Variants in BCCIP observed in about 807,000 individuals in gnomAD.
BCCIP encodes the protein BRCA2 and CDKN1A-interacting protein.
BCCIP carries 23 observed loss-of-function variants against 32.8 expected under a neutral mutation model. The observed-to-expected ratio is 0.70, with a 90% CI of 0.51 to 0.99. The LOEUF is 0.99. Ranked by LOEUF, BCCIP falls within the 50% of genes least tolerant of loss-of-function variation. The pLI is 0.00. For missense variants in BCCIP, 378 were observed against 379.8 expected, an observed-to-expected ratio of 1.00 and a Z score of 0.04; for synonymous variants, 144 against 137.6, an observed-to-expected ratio of 1.05 and a Z score of -0.33.
At chr10:125,853,133 C>T (rs375172899) in exon 8 of BCCIP, 101 of 1,607,064 alleles carry the variant, frequency 6.3e-5, no homozygotes, top group South Asian at 2.2e-4. Context: ...AGGTGGTTCA[C>T]GGGGGCAAGT....
In BCCIP at chr10:125,841,813, C is replaced by T. The variant is rs374870912; in HGVS notation, c.*454C>T. On this transcript the variant is annotated 3_prime_UTR_variant, in exon 7 of 7. Coordinates refer to the BCCIP transcript ENST00000299130. ...ATTCACAGGACGCTAAGATAGACTT[C>T]GAGAGTTGTGGATCAAGAGGAAACT... 9.3e-5 allele frequency: 150 copies of T among 1,613,532 alleles called. No homozygotes were observed. Among genetic ancestry groups the T allele is most frequent in the Non-Finnish European group, 1.2e-4 (143 of 1,179,970 alleles).
Position 125,824,850 on chromosome 10 carries a change from C to T in BCCIP, c.165+1128C>T, listed in dbSNP as rs576149378. Among the ~76,000 whole-genome samples, 30 of 152,280 alleles carry T rather than the reference C, an allele frequency of 2.0e-4. No homozygotes were observed. The South Asian group carries it at 6.2e-3, about 32-fold the overall frequency. ...TCACAATTGAGGGACGGAAAGGCAG[C>T]CTAGATGGCTGGATCAGAATAAGGA... is the stretch of plus-strand genomic sequence containing the variant. On this transcript the variant is annotated intron_variant, in intron 1 of 6. Coordinates refer to ENST00000278100, the MANE Select transcript of BCCIP (RefSeq NM_078468.3).
chr10:125,828,885 G>T (rs1325715055), intron 3 of BCCIP, among the ~76,000 whole-genome samples: 1 of 152,174 alleles, frequency 6.6e-6, no homozygotes, highest in Non-Finnish European at 1.5e-5. Context: ...TGGCAAGTTA[G>T]CCCTAGCTGT....
At chr10:125,831,921 T>G (rs1204616862) in intron 5 of BCCIP, among the ~76,000 whole-genome samples, 2 of 152,228 alleles carry the variant, frequency 1.3e-5, no homozygotes, top group African/African-American at 4.8e-5. Context: ...TTCTGCAACA[T>G]GAATAAAATA....
At chr10:125,843,655 C>T (rs996417492), downstream of BCCIP, among the ~76,000 whole-genome samples, 36 of 152,214 alleles carry the variant, frequency 2.4e-4, no homozygotes, top group African/African-American at 8.7e-4. Context: ...TGATAAAATT[C>T]CTCCATTCCT....
downstream of BCCIP, chr10:125,838,166 T>TA (rs543769173): frequency 2.3e-3 from 3,000 of 1,327,264 alleles, no homozygotes; most frequent in South Asian, 5.1e-3. Context: ...AGGTATGAAT[T>TA]AAAAAAAAAA....
At chr10:125,851,855 A>G (rs538163947) in intron 7 of BCCIP, among the ~76,000 whole-genome samples, 1 of 139,208 alleles carries the variant, frequency 7.2e-6, no homozygotes, top group Non-Finnish European at 1.5e-5. Flanking sequence ...TGTGAGGTGG[A>G]GGTTGCAGTG....
downstream of BCCIP, among the ~76,000 whole-genome samples, chr10:125,846,166 A>G (rs190077090): frequency 2.6e-5 from 4 of 152,246 alleles, no homozygotes; most frequent in East Asian, 1.9e-4. Context: ...CAAATTACCA[A>G]CGGTCTCCAC....
downstream of BCCIP, chr10:125,838,345 T>C (rs778254765): frequency 6.2e-7 from 1 of 1,611,414 alleles, no homozygotes; most frequent in South Asian, 1.1e-5. Flanking sequence ...TGCTTATGTG[T>C]CAGCATTAAG....
At chr10:125,839,284 T>C (rs1229685594), downstream of BCCIP, 3 of 1,304,788 alleles carry the variant, frequency 2.3e-6, no homozygotes, top group East Asian at 2.4e-5. Context: ...CCCTGTGCTC[T>C]CCTCTCCTAC....
intron 7 of BCCIP, among the ~76,000 whole-genome samples, chr10:125,851,370 A>G (rs1274475791): frequency 6.6e-6 from 1 of 152,238 alleles, no homozygotes; most frequent in East Asian, 1.9e-4. Context: ...TCATGGAATG[A>G]GCAGCACAGA....
downstream of BCCIP, chr10:125,841,021 G>C (rs1854862987): frequency 3.2e-6 from 5 of 1,585,654 alleles, no homozygotes; most frequent in Non-Finnish European, 4.3e-6. Flanking sequence ...AGGTCACATG[G>C]TTAGCAATAA....
In BCCIP at chr10:125,832,736, A is replaced by G. The variant is rs148159835; in HGVS notation, c.600-1036A>G. Among the ~76,000 whole-genome samples the G allele has an allele frequency of 1.7e-3, 261 of 151,258 alleles. 1 individual carries two copies. The highest frequency in any genetic ancestry group is 7.8e-3 in the East Asian group (40 of 5,130). On this transcript the variant is annotated intron_variant, in intron 5 of 6. Transcript: ENST00000278100. ...TTGAGGCCAGGAGTTCCAGGCTGCA[A>G]TATACTATGATTGTGCCTGTGAATA... is the stretch of plus-strand genomic sequence containing the variant.
chr10:125,839,220 A>G, downstream of BCCIP: 1 of 1,604,394 alleles, frequency 6.2e-7, no homozygotes, highest in Non-Finnish European at 8.5e-7. Context: ...GCTATTTAGA[A>G]ATGATTTGTC....
exon 7 of BCCIP, chr10:125,841,957 A>G: frequency 1.3e-6 from 2 of 1,564,528 alleles, no homozygotes; most frequent in South Asian, 2.5e-5. Context: ...AAAAATAATA[A>G]TTTAAGAGTC....
At chr10:125,829,402 G>C (rs1017453402) in intron 3 of BCCIP, among the ~76,000 whole-genome samples, 1 of 152,130 alleles carries the variant, frequency 6.6e-6, no homozygotes, top group Admixed American at 6.5e-5. Flanking sequence ...ACAAACAAAA[G>C]CTCCATTCAG....
At chr10:125,832,649 C>T (rs1589695791) in intron 5 of BCCIP, among the ~76,000 whole-genome samples, 2 of 151,970 alleles carry the variant, frequency 1.3e-5, no homozygotes, top group South Asian at 4.2e-4. Flanking sequence ...CTGAAGTGAG[C>T]CAAGCGCAGT....
intron 6 of BCCIP, 93 bp downstream of exon 6, chr10:125,834,039 G>A (rs1854590746): frequency 5.8e-6 from 8 of 1,381,618 alleles, no homozygotes; most frequent in Non-Finnish European, 8.1e-6. Context: ...TTAGGTCCAA[G>A]TCTTTCAAGT....
rs368576919 is a variant in BCCIP, at chr10:125,823,688, A to G, written c.131A>G (p.Lys44Arg). 3.7e-5 allele frequency: 59 copies of G among 1,614,172 alleles called. No homozygotes were observed. Among genetic ancestry groups the G allele is most frequent in the South Asian group, 5.5e-5 (5 of 91,080 alleles). Residue 44 changes from lysine to arginine, a missense_variant, in exon 1 of 7, where the codon AAG becomes AGG. Coordinates refer to ENST00000278100, the MANE Select transcript of BCCIP (RefSeq NM_078468.3). ...NEDEDDDDSD[K>R]EKDEEDEVID... Reference sequence around the variant, plus strand: ...GATGAAGACGATGATGACAGTGACAAGGAAAAGGATGAAGAGGACGAGGTC... The same window carrying G: ...GATGAAGACGATGATGACAGTGACAGGGAAAAGGATGAAGAGGACGAGGTC...
Sources: allele counts gnomAD v4.1 joint callset (sites outside exome capture counted in the v4.1 genomes callset), GRCh38; gene constraint gnomAD v4.1.1; transcripts MANE v1.5; gene names NCBI Gene and HGNC (gene_info 2026-07-23, HGNC 2026-07-21).